Variants in DZIP3 observed in about 807,000 individuals in gnomAD.
DZIP3 encodes DAZ interacting zinc finger protein 3.
A neutral mutation model predicts 162.0 loss-of-function variants in DZIP3; 118 were observed. That is an observed-to-expected ratio of 0.73 (90% confidence interval 0.63 to 0.85). The LOEUF is 0.85. Among genes scored for constraint, DZIP3 ranks in the 40% least tolerant of loss-of-function variants. DZIP3 has a pLI of 0.00. For missense variants in DZIP3, 1,331 were observed against 1,407.0 expected (o/e 0.95, Z 0.86); for synonymous variants, 438 against 458.6 (o/e 0.96, Z 0.57).
At chr3:108,638,157 T>G (rs779874000) in intron 12 of DZIP3, among the ~76,000 whole-genome samples, 2 of 152,184 alleles carry the variant, frequency 1.3e-5, no homozygotes, top group Non-Finnish European at 2.9e-5. Context: ...CACAAATCTC[T>G]CTCCTAAAAG....
intron 23 of DZIP3, 105 bp downstream of exon 23, chr3:108,672,761 A>G: frequency 1.1e-6 from 1 of 916,320 alleles, no homozygotes; most frequent in South Asian, 1.8e-5. Flanking sequence ...ATAAACAGAA[A>G]TAAGACATCT....
chr3:108,612,958 C>T (rs902646060), intron 4 of DZIP3, among the ~76,000 whole-genome samples: 1 of 152,012 alleles, frequency 6.6e-6, no homozygotes, highest in Admixed American at 6.6e-5. Context: ...TTGTTCTAAA[C>T]CACTTACATG....
chr3:108,685,231 T>G (rs1944455703), intron 27 of DZIP3, among the ~76,000 whole-genome samples: 1 of 152,202 alleles, frequency 6.6e-6, no homozygotes, highest in South Asian at 2.1e-4. Flanking sequence ...TGCAATTTGC[T>G]TGCCCACCAT....
chr3:108,647,869 C>A, intron 15 of DZIP3, 74 bp from the exon 16 acceptor site: 2 of 1,266,264 alleles, frequency 1.6e-6, no homozygotes, highest in Non-Finnish European at 2.1e-6. Flanking sequence ...CTTTTTTGGG[C>A]AAACATTATA....
intron 14 of DZIP3, among the ~76,000 whole-genome samples, chr3:108,645,060 A>G (rs1942564089): frequency 6.6e-6 from 1 of 152,218 alleles, no homozygotes; most frequent in African/African-American, 2.4e-5. Flanking sequence ...ACTGAGAAGA[A>G]TGTTTCAGAG....
chr3:108,626,516 T>G lies in DZIP3; in HGVS notation c.581+547T>G, dbSNP rs574837831. 2.1e-3 allele frequency among the ~76,000 whole-genome samples: 326 copies of G among 152,354 alleles called. 1 individual carries two copies. The highest frequency in any genetic ancestry group is 6.8e-3 in the Middle Eastern group (2 of 294). ...GAGTTTTTGGAGTATTGGCTACTACTTTTAAGAAAGTGAAATTGTATGGAG... is the reference window on the plus strand; with the variant it reads ...GAGTTTTTGGAGTATTGGCTACTACGTTTAAGAAAGTGAAATTGTATGGAG... On this transcript the variant is annotated intron_variant, in intron 7 of 32. Coordinates refer to ENST00000361582, the MANE Select transcript of DZIP3 (RefSeq NM_014648.4).
At chr3:108,633,132 A>G (rs1043469185) in intron 9 of DZIP3, 60 bp downstream of exon 9, 7 of 756,044 alleles carry the variant, frequency 9.3e-6, no homozygotes, top group African/African-American at 5.7e-5. Context: ...ATATATAACT[A>G]TATAAAATAA....
chr3:108,688,786 A>T lies in DZIP3; in HGVS notation c.3415-37A>T, dbSNP rs41270421. The T allele has an allele frequency of 1.2e-3, 1,910 of 1,613,908 alleles. 3 individuals carry two copies. The highest frequency in any genetic ancestry group is 1.5e-3 in the Non-Finnish European group (1,717 of 1,179,934). On this transcript the variant is annotated intron_variant, in intron 30 of 32. Transcript: ENST00000361582. ...AACACATTTAGATTTGGGAGAAAAC[A>T]ATGAGCTAAATTTAACATTTTCTGT...
chr3:108,611,135 T>C (rs1449060964), intron 3 of DZIP3, 39 bp from the exon 4 acceptor site: 1 of 1,533,428 alleles, frequency 6.5e-7, no homozygotes, highest in Non-Finnish European at 8.7e-7. Context: ...AATGAGAATA[T>C]GCAAACTGTG....
chr3:108,681,392 G>T (rs544483289), intron 26 of DZIP3, among the ~76,000 whole-genome samples: 3 of 152,102 alleles, frequency 2.0e-5, no homozygotes, highest in East Asian at 1.9e-4. Flanking sequence ...ACCATCTCAC[G>T]CCAGTTAGAA....
chr3:108,611,456 TA>T, intron 4 of DZIP3, 127 bp downstream of exon 4: 1 of 1,146,688 alleles, frequency 8.7e-7, no homozygotes, highest in Non-Finnish European at 1.2e-6. Flanking sequence ...TTACTTCTTG[TA>T]AAGGGCTTTG....
intron 21 of DZIP3, among the ~76,000 whole-genome samples, chr3:108,665,143 CAATATT>C (rs1222150455): frequency 3.9e-5 from 6 of 152,044 alleles, no homozygotes; most frequent in South Asian, 2.1e-4. Context: ...CAACAAATGA[CAATATT>C]AATATTATTC....
At chr3:108,648,533 A>C (rs1402720839) in intron 16 of DZIP3, 1 of 162,576 alleles carries the variant, frequency 6.2e-6, no homozygotes, top group Non-Finnish European at 1.3e-5. Context: ...ATTTCTTTAC[A>C]AATAAGTGGT....
At chr3:108,657,845 C>G (rs1943210847) in intron 19 of DZIP3, among the ~76,000 whole-genome samples, 1 of 152,152 alleles carries the variant, frequency 6.6e-6, no homozygotes, top group Non-Finnish European at 1.5e-5. Flanking sequence ...CAATCCTAGT[C>G]TCTGATAAAA....
rs768859585 is a variant in DZIP3, at chr3:108,686,418, T to TGG, written c.3010-25_3010-24dup. On this transcript the variant is annotated intron_variant, in intron 27 of 32. Coordinates refer to ENST00000361582, the MANE Select transcript of DZIP3 (RefSeq NM_014648.4). ...GTCACTTCTTAATAATTAAACCTGCTGGGCTATAGCTCTCTGCCTCTTACA... is the reference window on the plus strand; with the variant it reads ...GTCACTTCTTAATAATTAAACCTGCTGGGGGCTATAGCTCTCTGCCTCTTACA... 2.0e-6 allele frequency: 3 copies of TGG among 1,515,276 alleles called. No homozygotes were observed. In the Admixed American group the frequency reaches 7.0e-5, roughly 35 times the overall value. The allele number at this position is 1,515,276 out of a possible 1,614,324, so 93.9% of individuals were successfully genotyped here. A position where few individuals can be genotyped will look rare whatever the true frequency, so the allele number is the denominator to read the frequency against.
intron 5 of DZIP3, among the ~76,000 whole-genome samples, chr3:108,618,195 G>A (rs1030316994): frequency 6.6e-6 from 1 of 152,178 alleles, no homozygotes; most frequent in Non-Finnish European, 1.5e-5. Flanking sequence ...GGGGCTTTAG[G>A]TTAGAAATGT....
chr3:108,685,917 C>T (rs1232255628), intron 27 of DZIP3, among the ~76,000 whole-genome samples: 4 of 151,980 alleles, frequency 2.6e-5, no homozygotes, highest in Non-Finnish European at 2.9e-5. Context: ...AAAAGGAAGT[C>T]GTATCATAAA....
At chr3:108,639,738 C>A (rs1389451193) in intron 12 of DZIP3, among the ~76,000 whole-genome samples, 1 of 151,386 alleles carries the variant, frequency 6.6e-6, no homozygotes, top group Non-Finnish European at 1.5e-5. Context: ...AAAGAATCAG[C>A]TTTTAATTTT....
chr3:108,636,500 A>G, intron 10 of DZIP3, 116 bp from the exon 11 acceptor site: 1 of 587,908 alleles, frequency 1.7e-6, no homozygotes, highest in African/African-American at 2.0e-5. Flanking sequence ...AAATATTCAC[A>G]TCTTCCAGTT....
Sources: allele counts gnomAD v4.1 joint callset (sites outside exome capture counted in the v4.1 genomes callset), GRCh38; gene constraint gnomAD v4.1.1; transcripts MANE v1.5; gene names NCBI Gene and HGNC (gene_info 2026-07-23, HGNC 2026-07-21).